The following FCHSD2 variants were observed in gnomAD, a reference collection of about 807,000 sequenced individuals.
The protein encoded by FCHSD2 is FCH and double SH3 domains 2.
FCHSD2 carries 38 observed loss-of-function variants against 108.1 expected under a neutral mutation model. The ratio of observed to expected loss-of-function variants is 0.35; its 90% CI spans 0.27 to 0.46. The LOEUF (loss-of-function observed/expected upper bound fraction) is 0.46. Ranked by LOEUF, FCHSD2 falls within the 20% of genes least tolerant of loss-of-function variation. The pLI is 1.00. For synonymous variants in FCHSD2, 279 were observed against 314.7 expected, an observed-to-expected ratio of 0.89 and a Z score of 1.20; for missense variants, 751 against 897.8, an observed-to-expected ratio of 0.84 and a Z score of 2.09.
chr11:72,878,572 C>A (rs1232038109), intron 12 of FCHSD2, among the ~76,000 whole-genome samples: 6 of 152,114 alleles, frequency 3.9e-5, no homozygotes, highest in African/African-American at 9.7e-5. Context: ...AGAAAGTATT[C>A]AAGGACTAAC....
In FCHSD2 at chr11:73,142,133, T is replaced by A; in HGVS notation, c.-256A>T. 2 of 310,040 alleles carry A rather than the reference T, an allele frequency of 6.5e-6. No homozygotes were observed. Among genetic ancestry groups the A allele is most frequent in the Non-Finnish European group, 5.9e-6 (1 of 169,808 alleles). 19.2% of individuals were successfully genotyped at this position (310,040 alleles called of 1,614,324 possible). A position where few individuals can be genotyped will look rare whatever the true frequency, so the allele number is the denominator to read the frequency against. On this transcript the variant is annotated 5_prime_UTR_variant, in exon 1 of 20. Transcript: ENST00000409418. ...GCGGCCCGGGCGGCCCGGGGGTGTG[T>A]GAGGAAGGAGGCGGAGACGGCGAGG...
At chr11:72,878,039 T>C (rs1855005319) in intron 12 of FCHSD2, among the ~76,000 whole-genome samples, 1 of 151,982 alleles carries the variant, frequency 6.6e-6, no homozygotes, top group Non-Finnish European at 1.5e-5. Context: ...TATTAGATAA[T>C]ATGATTAGGA....
intron 8 of FCHSD2, among the ~76,000 whole-genome samples, chr11:72,954,736 T>C (rs1054712196): frequency 1.3e-5 from 2 of 152,194 alleles, no homozygotes; most frequent in East Asian, 1.9e-4. Flanking sequence ...TAAGAAAATA[T>C]ATTGAGTATG....
At chr11:73,075,784 A>T (rs1859536623) in intron 3 of FCHSD2, among the ~76,000 whole-genome samples, 1 of 151,444 alleles carries the variant, frequency 6.6e-6, no homozygotes, top group Non-Finnish European at 1.5e-5. Flanking sequence ...CACTGACAAG[A>T]CTGTCTCAAA....
At chr11:72,983,754 C>T (rs1857260105) in intron 8 of FCHSD2, 1 of 451,912 alleles carries the variant, frequency 2.2e-6, no homozygotes, top group Admixed American at 2.5e-5. Context: ...CATAAAATAG[C>T]TCAGAAGTAG....
At chr11:72,851,409 G>A (rs942205400) in intron 13 of FCHSD2, among the ~76,000 whole-genome samples, 3 of 152,140 alleles carry the variant, frequency 2.0e-5, no homozygotes, top group Admixed American at 2.0e-4. Context: ...AATGCACTCT[G>A]ATGTATCCAT....
intron 10 of FCHSD2, 51 bp downstream of exon 10, chr11:72,902,492 G>T: frequency 1.6e-6 from 2 of 1,272,920 alleles, no homozygotes; most frequent in Non-Finnish European, 2.2e-6. Context: ...TGTTACTTAA[G>T]CACAAACACA....
chr11:73,141,194 C>CCGGAT (rs1302909392), intron 1 of FCHSD2: 1 of 152,348 alleles, frequency 6.6e-6, no homozygotes, highest in Non-Finnish European at 1.5e-5. Context: ...TCATCCAACC[C>CCGGAT]CGGATCGCAG....
Position 73,142,143 on chromosome 11 carries a change from G to A in FCHSD2, c.-266C>T, listed in dbSNP as rs986296338. 19 of 296,166 alleles carry A rather than the reference G, an allele frequency of 6.4e-5. No homozygotes were observed. The Admixed American group carries it at 8.9e-4, about 14-fold the overall frequency. 18.3% of individuals were successfully genotyped at this position (296,166 alleles called of 1,614,324 possible). The stretch of plus-strand genomic sequence containing the variant: ...CGGCCCGGGGGTGTGTGAGGAAGGA[G>A]GCGGAGACGGCGAGGGGGCGGGGGC... On this transcript the variant is annotated 5_prime_UTR_variant, in exon 1 of 20. Transcript: ENST00000409418.
chr11:73,009,956 G>A (rs1205536780), intron 4 of FCHSD2, among the ~76,000 whole-genome samples: 1 of 152,044 alleles, frequency 6.6e-6, no homozygotes, highest in Non-Finnish European at 1.5e-5. Context: ...CGTTAGACTT[G>A]GGAAGTTTTT....
chr11:72,908,510 G>C (rs1591388078), intron 9 of FCHSD2, among the ~76,000 whole-genome samples: 1 of 152,262 alleles, frequency 6.6e-6, no homozygotes, highest in East Asian at 1.9e-4. Flanking sequence ...CAGTATACAA[G>C]GGCTCCCTTT....
At chr11:72,949,683 C>T (rs1449828351) in intron 8 of FCHSD2, among the ~76,000 whole-genome samples, 1 of 152,100 alleles carries the variant, frequency 6.6e-6, no homozygotes, top group Non-Finnish European at 1.5e-5. Context: ...AAGGTCTACC[C>T]ATGTTGTAGC....
intron 8 of FCHSD2, among the ~76,000 whole-genome samples, chr11:72,962,252 G>C (rs1181377838): frequency 1.3e-5 from 2 of 152,218 alleles, no homozygotes. Context: ...TCACAAGTAT[G>C]TGGTATAGTT....
At chr11:72,904,684 ATTGT>A (rs1168437210) in intron 9 of FCHSD2, among the ~76,000 whole-genome samples, 1 of 152,176 alleles carries the variant, frequency 6.6e-6, no homozygotes, top group Non-Finnish European at 1.5e-5. Context: ...AATTTCCCTG[ATTGT>A]TTCTTTTTTT....
At chr11:73,091,507 C>T (rs1362981952) in intron 2 of FCHSD2, among the ~76,000 whole-genome samples, 3 of 151,868 alleles carry the variant, frequency 2.0e-5, no homozygotes, top group African/African-American at 7.3e-5. Context: ...CGAGATCATG[C>T]CACTGCACTC....
chr11:72,889,103 C>T (rs1418417824), intron 11 of FCHSD2, among the ~76,000 whole-genome samples: 2 of 151,956 alleles, frequency 1.3e-5, no homozygotes, highest in South Asian at 2.1e-4. Context: ...TACAGGTGCC[C>T]GCCACCACAC....
intron 13 of FCHSD2, among the ~76,000 whole-genome samples, chr11:72,858,110 C>T (rs1208332326): frequency 2.6e-5 from 4 of 152,120 alleles, no homozygotes; most frequent in South Asian, 2.1e-4. Context: ...TTTGTTTTTA[C>T]GAGGAAGGGA....
At position 72,902,511 on chromosome 11, in the gene FCHSD2, A is replaced by C. The variant is rs564068384; in HGVS notation, c.924+32T>G. 2.4e-5 allele frequency: 35 copies of C among 1,435,636 alleles called. No individual in the cohort carries two copies. The South Asian group carries it at 3.8e-4, about 16-fold the overall frequency. 88.9% of individuals were successfully genotyped at this position (1,435,636 alleles called of 1,614,324 possible). A position where few individuals can be genotyped will look rare whatever the true frequency, so the allele number is the denominator to read the frequency against. ...ACTTAAGCACAAACACAACTGAACA[A>C]CACATGAAATGAAAATCTATAATTC... On this transcript the variant is annotated intron_variant, in intron 10 of 19. Coordinates refer to ENST00000409418, the MANE Select transcript of FCHSD2 (RefSeq NM_014824.3).
intron 3 of FCHSD2, among the ~76,000 whole-genome samples, chr11:73,056,742 A>G (rs1195932418): frequency 6.6e-6 from 1 of 152,222 alleles, no homozygotes; most frequent in African/African-American, 2.4e-5. Context: ...AGCACATGAG[A>G]GCCATCAAAT....
Sources: gnomAD v4.1 joint callset for allele counts (sites outside exome capture counted in the v4.1 genomes callset) on GRCh38, gnomAD v4.1.1 for gene constraint, MANE v1.5 for transcripts, NCBI Gene and HGNC (gene_info 2026-07-23, HGNC 2026-07-21) for gene names.